Variants in PARVA observed in about 807,000 individuals in gnomAD.
The protein encoded by PARVA is alpha-parvin.
Under a neutral mutation model 52.6 loss-of-function variants are expected in PARVA, and 25 were observed. That is an observed-to-expected ratio of 0.48 (90% CI 0.35 to 0.66). The LOEUF is 0.66. Among genes scored for constraint, PARVA ranks in the 30% least tolerant of loss-of-function variants. The probability of loss-of-function intolerance (pLI) is 0.01; values close to 1 mark genes in which losing one functional copy is unlikely to be tolerated. For missense variants in PARVA, 373 were observed against 450.9 expected (o/e 0.83, Z 1.56); for synonymous variants, 185 against 179.1 (o/e 1.03, Z -0.26).
intron 1 of PARVA, among the ~76,000 whole-genome samples, chr11:12,454,329 G>T (rs1040671085): frequency 1.3e-5 from 2 of 152,140 alleles, no homozygotes; most frequent in African/African-American, 2.4e-5. Flanking sequence ...TACACAAATT[G>T]CCACTTAATG....
intron 1 of PARVA, among the ~76,000 whole-genome samples, chr11:12,410,175 A>C (rs543254876): frequency 6.6e-6 from 1 of 152,328 alleles, no homozygotes; most frequent in South Asian, 2.1e-4. Flanking sequence ...AGCCCTAGGC[A>C]TCTCCGGGCT....
chr11:12,426,101 G>A (rs1263491262), intron 1 of PARVA, among the ~76,000 whole-genome samples: 2 of 152,298 alleles, frequency 1.3e-5, no homozygotes, highest in East Asian at 1.9e-4. Context: ...CGGGGGAGAC[G>A]TATTAAACAA....
At chr11:12,400,528 T>C (rs1939811599) in intron 1 of PARVA, among the ~76,000 whole-genome samples, 1 of 152,244 alleles carries the variant, frequency 6.6e-6, no homozygotes, top group Non-Finnish European at 1.5e-5. Flanking sequence ...TACTTTTATA[T>C]GACCTTGATG....
chr11:12,534,123 G>A lies in PARVA; in HGVS notation c.*6198G>A, dbSNP rs1265204074. On this transcript the variant is annotated 3_prime_UTR_variant, in exon 13 of 13. Transcript: ENST00000334956. ...GCAGAGGTTGCAATGAGCTGAGATCGCATCACTGCACTCAAGCCTGGGCAA... is the reference window on the plus strand; with the variant it reads ...GCAGAGGTTGCAATGAGCTGAGATCACATCACTGCACTCAAGCCTGGGCAA... Among the ~76,000 whole-genome samples, 4 of 152,054 alleles carry A rather than the reference G, an allele frequency of 2.6e-5. No homozygotes were observed. Among genetic ancestry groups the A allele is most frequent in the African/African-American group, 2.4e-5 (1 of 41,396 alleles).
chr11:12,523,366 C>G (rs962888514), intron 12 of PARVA, among the ~76,000 whole-genome samples: 12 of 152,288 alleles, frequency 7.9e-5, no homozygotes, highest in Admixed American at 5.9e-4. Flanking sequence ...CCTGAGCCAG[C>G]AGGGGCCTCC....
Position 12,504,380 on chromosome 11 carries a change from C to T in PARVA, c.608C>T (p.Ala203Val). 1 of 1,613,824 alleles carries T rather than the reference C, an allele frequency of 6.2e-7. No homozygotes were observed. The highest frequency in any genetic ancestry group is 1.3e-5 in the African/African-American group (1 of 75,054). Reference sequence around the variant, plus strand: ...GTTGCTCTGTCTCAGTATTTCCGCGCACCAATTCGACTCCCAGACCATGTT... The same window carrying T: ...GTTGCTCTGTCTCAGTATTTCCGCGTACCAATTCGACTCCCAGACCATGTT... ...LLVALSQYFR[A>V]PIRLPDHVSI... The change falls in exon 6 of 13, where the codon GCA (alanine) becomes GTA (valine). Residue 203 changes from alanine (A) to valine (V), a missense_variant. Coordinates refer to ENST00000334956, the MANE Select transcript of PARVA (RefSeq NM_018222.5).
intron 1 of PARVA, among the ~76,000 whole-genome samples, chr11:12,472,812 T>C (rs945282864): frequency 6.6e-6 from 1 of 152,184 alleles, no homozygotes. Context: ...CTGTGCTTAA[T>C]TGGCAAAAAG....
chr11:12,522,126 T>A (rs1368301427), intron 12 of PARVA, among the ~76,000 whole-genome samples: 1 of 152,206 alleles, frequency 6.6e-6, no homozygotes, highest in Admixed American at 6.5e-5. Context: ...CGTATGTCCA[T>A]ACACCAGGAG....
At chr11:12,485,723 G>A (rs1338596415) in intron 4 of PARVA, among the ~76,000 whole-genome samples, 2 of 151,788 alleles carry the variant, frequency 1.3e-5, no homozygotes, top group Non-Finnish European at 2.9e-5. Context: ...CAAAAAAGGT[G>A]GCAATTAATT....
At chr11:12,441,382 C>G (rs1175207094) in intron 1 of PARVA, among the ~76,000 whole-genome samples, 1 of 151,720 alleles carries the variant, frequency 6.6e-6, no homozygotes, top group African/African-American at 2.4e-5. Context: ...GCAGATCACT[C>G]TCCAAGTGAG....
At chr11:12,412,314 C>A (rs1940002215) in intron 1 of PARVA, among the ~76,000 whole-genome samples, 1 of 152,238 alleles carries the variant, frequency 6.6e-6, no homozygotes, top group South Asian at 2.1e-4. Flanking sequence ...TCTATACCAT[C>A]TTTAACACAG....
chr11:12,405,774 T>A (rs1939895489), intron 1 of PARVA, among the ~76,000 whole-genome samples: 1 of 152,100 alleles, frequency 6.6e-6, no homozygotes, highest in Non-Finnish European at 1.5e-5. Context: ...CTGGCCAACA[T>A]GGTGAAACCC....
rs761186577 is a variant in PARVA, at chr11:12,532,502, C to T, written c.*4577C>T. ...TCAGGACTTCATTTAGTCATATATT[C>T]GGCAAGTATGTGTTGAGTGCAGCAT... On this transcript the variant is annotated 3_prime_UTR_variant, in exon 13 of 13. Coordinates refer to ENST00000334956, the MANE Select transcript of PARVA (RefSeq NM_018222.5). Among the ~76,000 whole-genome samples the T allele has an allele frequency of 8.5e-5, 13 of 152,084 alleles. No individual in the cohort carries two copies. Among genetic ancestry groups the T allele is most frequent in the Non-Finnish European group, 1.2e-4 (8 of 68,028 alleles).
chr11:12,406,320 C>T lies in PARVA; in HGVS notation c.136+28537C>T, dbSNP rs147731682. On this transcript the variant is annotated intron_variant, in intron 1 of 12. Transcript: ENST00000334956. ...TTTTGACTGATTGGATGAGGTCCAG[C>T]CACGTTATGGAGGATAACCTCATTT... is the stretch of plus-strand genomic sequence containing the variant. Among the ~76,000 whole-genome samples the T allele has an allele frequency of 1.3e-3, 197 of 152,316 alleles. 1 individual carries two copies. Among genetic ancestry groups the T allele is most frequent in the African/African-American group, 4.3e-3 (178 of 41,554 alleles).
intron 1 of PARVA, among the ~76,000 whole-genome samples, chr11:12,394,434 C>T (rs1472628414): frequency 1.3e-5 from 2 of 152,176 alleles, no homozygotes; most frequent in Non-Finnish European, 2.9e-5. Flanking sequence ...TGTTAGCTTA[C>T]TGGGTGTGAG....
At chr11:12,454,005 C>T (rs768299864) in intron 1 of PARVA, among the ~76,000 whole-genome samples, 2 of 152,196 alleles carry the variant, frequency 1.3e-5, no homozygotes, top group South Asian at 2.1e-4. Flanking sequence ...CACAAATCCA[C>T]TCCTTTGCCC....
intron 12 of PARVA, among the ~76,000 whole-genome samples, chr11:12,522,170 G>A (rs879545380): frequency 1.3e-5 from 2 of 152,158 alleles, no homozygotes; most frequent in African/African-American, 2.4e-5. Flanking sequence ...AGCATAGGCT[G>A]GAGTGTACAT....
In PARVA at chr11:12,423,074, G is replaced by A. The variant is rs529731125; in HGVS notation, c.136+45291G>A. On this transcript the variant is annotated intron_variant, in intron 1 of 12. Transcript: ENST00000334956. Reference sequence around the variant, plus strand: ...TCACCATGTTGGCCAGGCTGGTCTCGAACTCCTGACCTCAGGTGATCTGTC... The same window carrying A: ...TCACCATGTTGGCCAGGCTGGTCTCAAACTCCTGACCTCAGGTGATCTGTC... 3.1e-3 allele frequency among the ~76,000 whole-genome samples: 475 copies of A among 152,136 alleles called. 5 individuals are homozygous for A. The highest frequency in any genetic ancestry group is 0.011 in the African/African-American group (456 of 41,496).
rs573458430 is a variant in PARVA at position 12,473,157 on chromosome 11, G to T, written c.137-588G>T. On this transcript the variant is annotated intron_variant, in intron 1 of 12. Coordinates refer to ENST00000334956, the MANE Select transcript of PARVA (RefSeq NM_018222.5). ...TCCCACAGCTGGTTCCATCTCAAGG[G>T]ATAGGACCAGAGCTCAGGGAAGGGC... Among the ~76,000 whole-genome samples, 168 of 152,258 alleles carry T rather than the reference G, an allele frequency of 1.1e-3. 2 individuals carry two copies. The highest frequency in any genetic ancestry group is 4.0e-3 in the African/African-American group (165 of 41,556).
Sources: gnomAD v4.1 joint callset for allele counts (sites outside exome capture counted in the v4.1 genomes callset) on GRCh38, gnomAD v4.1.1 for gene constraint, MANE v1.5 for transcripts, NCBI Gene and HGNC (gene_info 2026-07-23, HGNC 2026-07-21) for gene names.